The following COL22A1 variants were observed in gnomAD, a reference collection of about 807,000 sequenced individuals.
The protein encoded by COL22A1 is collagen alpha-1(XXII) chain.
COL22A1 carries 221 observed loss-of-function variants against 248.9 expected under a neutral mutation model. That is an observed-to-expected ratio of 0.89 (90% confidence interval 0.80 to 0.99). The LOEUF is 0.99. Among genes scored for constraint, COL22A1 ranks in the 50% least tolerant of loss-of-function variants. The pLI, the probability that COL22A1 is intolerant of heterozygous loss-of-function variation, is 0.00. For missense variants in COL22A1, 2,240 were observed against 2,179.0 expected (o/e 1.03, Z -0.56); for synonymous variants, 891 against 793.4 (o/e 1.12, Z -2.07).
intron 3 of COL22A1, among the ~76,000 whole-genome samples, chr8:138,870,917 C>T (rs564098359): frequency 4.8e-4 from 73 of 151,008 alleles, no homozygotes; most frequent in South Asian, 1.5e-3. Context: ...GTGCCTGGTA[C>T]GCACGGTGTT....
rs181737514 is a variant in COL22A1 at position 138,674,836 on chromosome 8, G to C, written c.3150+1722C>G. On this transcript the variant is annotated intron_variant, in intron 41 of 64. Transcript: ENST00000303045. Reference sequence around the variant, plus strand: ...AAGCAGCATCCTAACTCCAGCAGAAGGGGCCCTATTAAAGGAGAATTTCAG... The same window carrying C: ...AAGCAGCATCCTAACTCCAGCAGAACGGGCCCTATTAAAGGAGAATTTCAG... Among the ~76,000 whole-genome samples the C allele has an allele frequency of 2.0e-5, 3 of 152,124 alleles. No homozygotes were observed. In the South Asian group the frequency reaches 6.2e-4, roughly 32 times the overall value.
At chr8:138,694,587 C>A in intron 33 of COL22A1, 26 bp from the exon 34 acceptor site, 1 of 1,612,712 alleles carries the variant, frequency 6.2e-7, no homozygotes, top group Non-Finnish European at 8.5e-7. Flanking sequence ...TTGCCATGAA[C>A]CAGCTCATCC....
chr8:138,826,570 T>G, intron 6 of COL22A1, 88 bp downstream of exon 6: 2 of 1,421,330 alleles, frequency 1.4e-6, no homozygotes, highest in African/African-American at 1.4e-5. Context: ...ATAAGAGCCC[T>G]GGAGAAAACA....
Position 138,700,094 on chromosome 8 carries a change from G to A in COL22A1, c.2592+18C>T. The A allele has an allele frequency of 1.2e-6, 2 of 1,612,660 alleles. No individual in the cohort carries two copies. Among genetic ancestry groups the A allele is most frequent in the South Asian group, 2.2e-5 (2 of 90,346 alleles). On this transcript the variant is annotated intron_variant, in intron 32 of 64. Transcript: ENST00000303045. ...GGCCGAGGCACACTGGGCACCCCGA[G>A]GCACCGCTACTACTTACGGGCATCC...
Position 138,683,216 on chromosome 8 carries a change from C to T in COL22A1, c.3012+1209G>A, listed in dbSNP as rs187733468. ...AACACATGATATGCACTGTTGTCAT[C>T]CCACAGCTCACCTTAAAATCTTACA... On this transcript the variant is annotated intron_variant, in intron 39 of 64. Coordinates refer to ENST00000303045, the MANE Select transcript of COL22A1 (RefSeq NM_152888.3). Among the ~76,000 whole-genome samples the T allele has an allele frequency of 3.3e-3, 495 of 152,280 alleles. 11 individuals are homozygous for T. Among genetic ancestry groups the T allele is most frequent in the Middle Eastern group, 6.8e-3 (2 of 294 alleles).
At chr8:138,682,625 T>C (rs906799153) in intron 39 of COL22A1, among the ~76,000 whole-genome samples, 5 of 152,196 alleles carry the variant, frequency 3.3e-5, no homozygotes, top group African/African-American at 1.2e-4. Context: ...TCTTTTTCCC[T>C]GTTAATTCCC....
At chr8:138,689,354 G>A (rs1345328610) in intron 36 of COL22A1, among the ~76,000 whole-genome samples, 1 of 152,108 alleles carries the variant, frequency 6.6e-6, no homozygotes, top group Admixed American at 6.5e-5. Flanking sequence ...CAGTGTCTTT[G>A]GAGTCCCCAA....
chr8:138,817,411 T>C (rs138490220), intron 7 of COL22A1, among the ~76,000 whole-genome samples: 3 of 152,288 alleles, frequency 2.0e-5, no homozygotes, highest in Non-Finnish European at 4.4e-5. Flanking sequence ...TGGGTGTTGA[T>C]GCCTGCTTGA....
intron 47 of COL22A1, among the ~76,000 whole-genome samples, chr8:138,642,472 T>C (rs867683526): frequency 6.6e-6 from 1 of 152,212 alleles, no homozygotes; most frequent in Non-Finnish European, 1.5e-5. Flanking sequence ...GGAGTCACCA[T>C]CCGCTCCTAA....
intron 23 of COL22A1, among the ~76,000 whole-genome samples, chr8:138,736,613 C>T (rs150863262): frequency 0.011 from 1,653 of 152,016 alleles, 33 homozygotes; most frequent in African/African-American, 0.037. Flanking sequence ...TCCACATGGC[C>T]GGCACTAGGA....
At chr8:138,693,570 C>A in intron 35 of COL22A1, 76 bp downstream of exon 35, 1 of 1,437,326 alleles carries the variant, frequency 7.0e-7, no homozygotes, top group Non-Finnish European at 9.6e-7. Context: ...AGCTGTGAGC[C>A]ATAGAGCAGA....
intron 37 of COL22A1, 23 bp from the exon 38 acceptor site, chr8:138,685,335 C>T: frequency 1.9e-6 from 3 of 1,597,772 alleles, no homozygotes; most frequent in Non-Finnish European, 2.6e-6. Context: ...GTAGACATTT[C>T]CCAGGGTCAA....
intron 1 of COL22A1, among the ~76,000 whole-genome samples, chr8:138,899,297 C>G (rs1484711540): frequency 6.6e-6 from 1 of 152,134 alleles, no homozygotes; most frequent in Non-Finnish European, 1.5e-5. Context: ...AGTATATTCG[C>G]TCAGGGCCAC....
At chr8:138,910,810 T>G (rs1587028618) in intron 1 of COL22A1, among the ~76,000 whole-genome samples, 2 of 152,266 alleles carry the variant, frequency 1.3e-5, no homozygotes, top group East Asian at 3.9e-4. Flanking sequence ...CCTCTGCCTA[T>G]CCCCAGGTAA....
intron 41 of COL22A1, among the ~76,000 whole-genome samples, chr8:138,668,084 G>A (rs1824670799): frequency 6.6e-6 from 1 of 152,132 alleles, no homozygotes; most frequent in South Asian, 2.1e-4. Context: ...ACAGAAGCGT[G>A]ACATGTATGA....
intron 16 of COL22A1, among the ~76,000 whole-genome samples, chr8:138,773,513 A>T (rs1834568164): frequency 6.6e-6 from 1 of 152,236 alleles, no homozygotes; most frequent in South Asian, 2.1e-4. Flanking sequence ...TGTGATTTGA[A>T]GGAGTCATCT....
At chr8:138,602,193 G>A (rs4394401) in intron 59 of COL22A1, 34 bp from the exon 60 acceptor site, 1,477,158 of 1,612,500 alleles carry the variant, frequency 0.92, 679,312 homozygotes, top group Middle Eastern at 0.96. Context: ...TCATTGCCCC[G>A]GGCCCTCTGC....
chr8:138,725,924 G>A (rs984410430), intron 23 of COL22A1, among the ~76,000 whole-genome samples: 1 of 152,296 alleles, frequency 6.6e-6, no homozygotes, highest in South Asian at 2.1e-4. Context: ...CAGGCCTTCT[G>A]GTTCTCTAGG....
At chr8:138,857,466 C>T (rs1046701399) in intron 3 of COL22A1, among the ~76,000 whole-genome samples, 1 of 152,228 alleles carries the variant, frequency 6.6e-6, no homozygotes, top group African/African-American at 2.4e-5. Flanking sequence ...GCCCAGGCAC[C>T]TATGGTCTCC....
Sources: gnomAD v4.1 joint callset for allele counts (sites outside exome capture counted in the v4.1 genomes callset) on GRCh38, gnomAD v4.1.1 for gene constraint, MANE v1.5 for transcripts, NCBI Gene and HGNC (gene_info 2026-07-23, HGNC 2026-07-21) for gene names.